Variants in GNG11 observed in about 807,000 individuals in gnomAD.
The protein encoded by GNG11 is guanine nucleotide-binding protein G(I)/G(S)/G(O) subunit gamma-11.
In GNG11, 6 loss-of-function variants were observed where a neutral mutation model predicts 7.4. The ratio of observed to expected loss-of-function variants is 0.81; its 90% CI spans 0.44 to 1.60. The LOEUF is 1.60. Among genes scored for constraint, GNG11 ranks in the 40% most tolerant of loss-of-function variants. GNG11 has a pLI of 0.01. For missense variants in GNG11, 65 were observed against 83.0 expected (o/e 0.78, Z 0.84); for synonymous variants, 31 against 25.9 (o/e 1.20, Z -0.60).
intron 1 of GNG11, among the ~76,000 whole-genome samples, chr7:93,923,586 A>G (rs1479439832): frequency 6.6e-6 from 1 of 152,262 alleles, no homozygotes; most frequent in Non-Finnish European, 1.5e-5. Context: ...GGAGTTACAT[A>G]TTAAACAGAG....
chr7:93,926,053 C>G (rs950567184), intron 1 of GNG11, 38 bp from the exon 2 acceptor site: 3 of 1,336,036 alleles, frequency 2.2e-6, no homozygotes, highest in Non-Finnish European at 3.1e-6. Context: ...TTTAAACAAC[C>G]CTAACCTAAT....
Position 93,921,766 on chromosome 7 carries a change from C to T in GNG11, c.-372C>T, listed in dbSNP as rs1446467640. ...GCAGCCCCAGCCCAGCCGTCCCCCG[C>T]GGGCGTGGCAGGTCCTGAGTCAGGG... On this transcript the variant is annotated 5_prime_UTR_variant, in exon 1 of 2. Transcript: ENST00000248564. 6.0e-6 allele frequency: 1 copy of T among 165,758 alleles called. No individual in the cohort carries two copies. The highest frequency in any genetic ancestry group is 2.4e-5 in the African/African-American group (1 of 42,050). 10.3% of individuals were successfully genotyped at this position (165,758 alleles called of 1,614,324 possible).
rs1794707403 is a variant in GNG11 at position 93,928,237 on chromosome 7, T to A, written c.*2021T>A. The A allele has an allele frequency of 6.6e-6, 1 of 152,176 alleles. No individual in the cohort carries two copies. The highest frequency in any genetic ancestry group is 2.4e-5 in the African/African-American group (1 of 41,442). The allele number at this position is 152,176 out of a possible 1,614,324, so 9.4% of individuals were successfully genotyped here. A position where few individuals can be genotyped will look rare whatever the true frequency, so the allele number is the denominator to read the frequency against. On this transcript the variant is annotated 3_prime_UTR_variant, in exon 2 of 2. Coordinates refer to ENST00000248564, the MANE Select transcript of GNG11 (RefSeq NM_004126.4). ...TGTGTACACTCCCAAGTCCTAGCTT[T>A]TGCTCTTCATGTCTCTTTCAACCAT...
intron 1 of GNG11, among the ~76,000 whole-genome samples, chr7:93,925,119 C>T (rs368500980): frequency 1.1e-4 from 17 of 152,088 alleles, no homozygotes; most frequent in East Asian, 9.6e-4. Context: ...AGCCGAGATC[C>T]TGCCACTGCA....
Position 93,927,344 on chromosome 7 carries a change from C to T in GNG11, c.*1128C>T, listed in dbSNP as rs971289451. 2.0e-5 allele frequency: 3 copies of T among 152,176 alleles called. No individual in the cohort carries two copies. The highest frequency in any genetic ancestry group is 7.2e-5 in the African/African-American group (3 of 41,428). 9.4% of individuals were successfully genotyped at this position (152,176 alleles called of 1,614,324 possible). The stretch of plus-strand genomic sequence containing the variant: ...GTATAACTCCTGCTCAAGTTCATAA[C>T]AAAGGTACCTGAAGCCCAAACCTCA... On this transcript the variant is annotated 3_prime_UTR_variant, in exon 2 of 2. Coordinates refer to ENST00000248564, the MANE Select transcript of GNG11 (RefSeq NM_004126.4).
rs1794692657 is a variant in GNG11 at position 93,927,428 on chromosome 7, G to A, written c.*1212G>A. ...TCTCCCGCTTCTTCTCCGTCTTTTGGGTCAAAATTGCTCCAAGTTTGAGCC... is the reference window on the plus strand; with the variant it reads ...TCTCCCGCTTCTTCTCCGTCTTTTGAGTCAAAATTGCTCCAAGTTTGAGCC... On this transcript the variant is annotated 3_prime_UTR_variant, in exon 2 of 2. Coordinates refer to ENST00000248564, the MANE Select transcript of GNG11 (RefSeq NM_004126.4). 6.6e-6 allele frequency: 1 copy of A among 151,984 alleles called. No homozygotes were observed. The highest frequency in any genetic ancestry group is 6.6e-5 in the Admixed American group (1 of 15,266). 9.4% of individuals were successfully genotyped at this position (151,984 alleles called of 1,614,324 possible). A position where few individuals can be genotyped will look rare whatever the true frequency, so the allele number is the denominator to read the frequency against.
At position 93,924,728 on chromosome 7, in the gene GNG11, T is replaced by A. The variant is rs1011203374; in HGVS notation, c.97-1363T>A. ...GTATTAACAAAGCAGTGTCTGTACTTATTTGTAGTTAAAAATTATATTCAT... is the reference window on the plus strand; with the variant it reads ...GTATTAACAAAGCAGTGTCTGTACTAATTTGTAGTTAAAAATTATATTCAT... On this transcript the variant is annotated intron_variant, in intron 1 of 1. Coordinates refer to ENST00000248564, the MANE Select transcript of GNG11 (RefSeq NM_004126.4). Among the ~76,000 whole-genome samples the A allele has an allele frequency of 2.6e-5, 4 of 152,382 alleles. No homozygotes were observed. In the South Asian group the frequency reaches 6.2e-4, roughly 24 times the overall value.
In GNG11 at chr7:93,926,271, C is replaced by T; in HGVS notation, c.*55C>T. On this transcript the variant is annotated 3_prime_UTR_variant, in exon 2 of 2. Coordinates refer to ENST00000248564, the MANE Select transcript of GNG11 (RefSeq NM_004126.4). ...GAAGAACTAGTTTGTTTTAGTTTTC[C>T]CAGATAAAACCAACATGCTTTTTAA... 2 of 1,338,326 alleles carry T rather than the reference C, an allele frequency of 1.5e-6. No homozygotes were observed. Among genetic ancestry groups the T allele is most frequent in the South Asian group, 1.5e-5 (1 of 67,466 alleles). The allele number at this position is 1,338,326 out of a possible 1,614,324, so 82.9% of individuals were successfully genotyped here.
At chr7:93,925,903 G>A (rs1430615930) in intron 1 of GNG11, among the ~76,000 whole-genome samples, 188 bp from the exon 2 acceptor site, 2 of 151,368 alleles carry the variant, frequency 1.3e-5, no homozygotes, top group Non-Finnish European at 2.9e-5. Flanking sequence ...AAATATTAGA[G>A]TGCAGAGCCC....
At chr7:93,925,392 C>G (rs1243797915) in intron 1 of GNG11, among the ~76,000 whole-genome samples, 1 of 151,916 alleles carries the variant, frequency 6.6e-6, no homozygotes, top group Non-Finnish European at 1.5e-5. Flanking sequence ...TCAATTTTTT[C>G]TCCATCTCAG....
At position 93,922,034 on chromosome 7, in the gene GNG11, G is replaced by GGGC. The variant is rs758909368; in HGVS notation, c.-98_-96dup. On this transcript the variant is annotated 5_prime_UTR_variant, in exon 1 of 2. Coordinates refer to ENST00000248564, the MANE Select transcript of GNG11 (RefSeq NM_004126.4). ...GGCTGCAGTCACATCCTGCGCGGGT[G>GGGC]GGCGGCGGGCCAGGCCTTCAGTTGT... The GGGC allele has an allele frequency of 1.1e-4, 67 of 622,840 alleles. No homozygotes were observed. The highest frequency in any genetic ancestry group is 1.6e-4 in the Non-Finnish European group (59 of 362,864). 38.6% of individuals were successfully genotyped at this position (622,840 alleles called of 1,614,324 possible).
At position 93,927,145 on chromosome 7, in the gene GNG11, A is replaced by T. The variant is rs1794689236; in HGVS notation, c.*929A>T. On this transcript the variant is annotated 3_prime_UTR_variant, in exon 2 of 2. Coordinates refer to ENST00000248564, the MANE Select transcript of GNG11 (RefSeq NM_004126.4). ...CAAAGGAACCAGTGAATCTTTGCCC[A>T]CTTTAAAGATTAGTTGGTCTTTTTC... 6.6e-6 allele frequency: 1 copy of T among 152,116 alleles called. No homozygotes were observed. Among genetic ancestry groups the T allele is most frequent in the African/African-American group, 2.4e-5 (1 of 41,398 alleles). The allele number at this position is 152,116 out of a possible 1,614,324, so 9.4% of individuals were successfully genotyped here.
At position 93,926,364 on chromosome 7, in the gene GNG11, A is replaced by G; in HGVS notation, c.*148A>G. On this transcript the variant is annotated 3_prime_UTR_variant, in exon 2 of 2. Transcript: ENST00000248564. ...TATAGATAGGGTTATGTATAAAAGCATATGTGCTACTCATCTTTGCTCACT... is the reference window on the plus strand; with the variant it reads ...TATAGATAGGGTTATGTATAAAAGCGTATGTGCTACTCATCTTTGCTCACT... 1.9e-6 allele frequency: 1 copy of G among 521,046 alleles called. No individual in the cohort carries two copies. Among genetic ancestry groups the G allele is most frequent in the Admixed American group, 3.6e-5 (1 of 28,124 alleles). The allele number at this position is 521,046 out of a possible 1,614,324, so 32.3% of individuals were successfully genotyped here. A position where few individuals can be genotyped will look rare whatever the true frequency, so the allele number is the denominator to read the frequency against.
At position 93,922,192 on chromosome 7, in the gene GNG11, G is replaced by C. The variant is rs780472028; in HGVS notation, c.55G>C (p.Val19Leu). ...LPEKEKLKME[V>L]EQLRKEVKLQ... ...AGAGAAGGAAAAACTGAAAATGGAA[G>C]TTGAGCAGCTTCGCAAAGAAGTGAA... Residue 19 changes from valine (V) to leucine (L), a missense_variant, in exon 1 of 2, where the codon GTT (valine) becomes CTT (leucine). Transcript: ENST00000248564. 1.3e-6 allele frequency: 2 copies of C among 1,596,362 alleles called. No homozygotes were observed. The highest frequency in any genetic ancestry group is 1.7e-6 in the Non-Finnish European group (2 of 1,168,096).
chr7:93,924,336 GT>G (rs2115931494), intron 1 of GNG11, among the ~76,000 whole-genome samples: 1 of 152,250 alleles, frequency 6.6e-6, no homozygotes, highest in South Asian at 2.1e-4. Context: ...AAAAAACCTT[GT>G]AAGAAAAGAT....
chr7:93,922,086 C>G lies in GNG11; in HGVS notation c.-52C>G. 8.3e-7 allele frequency: 1 copy of G among 1,209,338 alleles called. No homozygotes were observed. The highest frequency in any genetic ancestry group is 1.5e-5 in the South Asian group (1 of 67,558). 74.9% of individuals were successfully genotyped at this position (1,209,338 alleles called of 1,614,324 possible). ...TCGGGACGCGCCGAGCTTCGCCGCT[C>G]TTCCAGCGGCTCCGCTGCCAGAGCT... On this transcript the variant is annotated 5_prime_UTR_variant, in exon 1 of 2. Transcript: ENST00000248564.
chr7:93,925,077 T>C (rs1018365392), intron 1 of GNG11, among the ~76,000 whole-genome samples: 1 of 152,150 alleles, frequency 6.6e-6, no homozygotes, highest in Non-Finnish European at 1.5e-5. Context: ...GGCAGGAGAA[T>C]GGCTAGAATC....
chr7:93,926,063 T>C lies in GNG11; in HGVS notation c.97-28T>C, dbSNP rs777453667. 86 of 1,397,498 alleles carry C rather than the reference T, an allele frequency of 6.2e-5. No individual in the cohort carries two copies. The East Asian group carries it at 1.3e-3, about 22-fold the overall frequency. The allele number at this position is 1,397,498 out of a possible 1,614,324, so 86.6% of individuals were successfully genotyped here. ...CAAAGTTTAAACAACCCTAACCTAA[T>C]GTATTCTCTTTTTTTTCTATACTTA... On this transcript the variant is annotated intron_variant, in intron 1 of 1. Transcript: ENST00000248564.
rs1229878647 is a variant in GNG11, at chr7:93,926,345, T to A, written c.*129T>A. 5 of 644,750 alleles carry A rather than the reference T, an allele frequency of 7.8e-6. No individual in the cohort carries two copies. Among genetic ancestry groups the A allele is most frequent in the Non-Finnish European group, 1.3e-5 (5 of 381,396 alleles). The allele number at this position is 644,750 out of a possible 1,614,324, so 39.9% of individuals were successfully genotyped here. ...GAGACTTTCTTAAGCACCATATAGATAGGGTTATGTATAAAAGCATATGTG... is the reference window on the plus strand; with the variant it reads ...GAGACTTTCTTAAGCACCATATAGAAAGGGTTATGTATAAAAGCATATGTG... On this transcript the variant is annotated 3_prime_UTR_variant, in exon 2 of 2. Transcript: ENST00000248564.
Sources: allele counts gnomAD v4.1 joint callset (sites outside exome capture counted in the v4.1 genomes callset), GRCh38; gene constraint gnomAD v4.1.1; transcripts MANE v1.5; gene names NCBI Gene and HGNC (gene_info 2026-07-23, HGNC 2026-07-21).